IHO1: variants seen among roughly 807,000 people sequenced by gnomAD.
IHO1 encodes the protein interactor of HORMAD1 protein 1.
IHO1 carries 13 observed loss-of-function variants against 31.0 expected under a neutral mutation model. That is an observed-to-expected ratio of 0.42 (90% confidence interval 0.27 to 0.67). The LOEUF (loss-of-function observed/expected upper bound fraction) is 0.67. Among genes scored for constraint, IHO1 ranks in the 30% least tolerant of loss-of-function variants. IHO1 has a pLI of 0.24. For synonymous variants in IHO1, 221 were observed against 248.4 expected (o/e 0.89, Z 1.04); for missense variants, 599 against 687.5 (o/e 0.87, Z 1.44).
chr3:49,191,678 G>T, the IHO1 span: 1 of 1,528,256 alleles, frequency 6.5e-7, no homozygotes, highest in South Asian at 1.1e-5. Flanking sequence ...TCACCGGCAT[G>T]ACTCAGTCAG....
At chr3:49,237,781 A>G (rs1486154235) in intron 3 of IHO1, among the ~76,000 whole-genome samples, 1 of 151,660 alleles carries the variant, frequency 6.6e-6, no homozygotes, top group Admixed American at 6.6e-5. Context: ...TATGTCCTTG[A>G]AGAAGAAGGA....
intron 2 of IHO1, among the ~76,000 whole-genome samples, chr3:49,215,780 G>A (rs1008007476): frequency 6.6e-6 from 1 of 152,226 alleles, no homozygotes; most frequent in Admixed American, 6.5e-5. Context: ...ATCTAGTGCA[G>A]TGATCTGGTG....
intron 6 of IHO1, among the ~76,000 whole-genome samples, chr3:49,255,033 A>G (rs1409935083): frequency 6.6e-6 from 1 of 151,866 alleles, no homozygotes. Flanking sequence ...ACTGCACTCC[A>G]GTCTGGGTGA....
intron 2 of IHO1, among the ~76,000 whole-genome samples, chr3:49,233,184 C>CA (rs2046504314): frequency 6.6e-6 from 1 of 152,146 alleles, no homozygotes; most frequent in Non-Finnish European, 1.5e-5. Flanking sequence ...CTGGTTTAAA[C>CA]AAAACGGTCA....
At chr3:49,246,845 CT>C (rs1246092923) in intron 6 of IHO1, among the ~76,000 whole-genome samples, 3 of 151,410 alleles carry the variant, frequency 2.0e-5, no homozygotes, top group Non-Finnish European at 4.4e-5. Context: ...TTTTGCTTTT[CT>C]TTTTTTCTTT....
chr3:49,200,516 A>AAAGAAAGAAAGAAAGAAAGG (rs1559434739), intron 1 of IHO1: 1 of 917,718 alleles, frequency 1.1e-6, no homozygotes, highest in African/African-American at 1.9e-5. Context: ...AGAAAGAAAG[A>AAAGAAAGAAAGAAAGAAAGG]AAAGAAAAAA....
At chr3:49,227,485 C>T (rs1479640663) in intron 2 of IHO1, among the ~76,000 whole-genome samples, 1 of 152,178 alleles carries the variant, frequency 6.6e-6, no homozygotes, top group Non-Finnish European at 1.5e-5. Flanking sequence ...ACCGACGCAG[C>T]AGCAGAAACA....
chr3:49,242,290 G>T lies in IHO1; in HGVS notation c.395+901G>T, dbSNP rs570925297. ...TCGATCAGAGGCACACACAGCTGTG[G>T]CCACCTAATTTTTTTTTTTCAGAGA... On this transcript the variant is annotated intron_variant, in intron 4 of 7. Transcript: ENST00000452691. Among the ~76,000 whole-genome samples the T allele has an allele frequency of 1.0e-4, 15 of 149,740 alleles. No individual in the cohort carries two copies. The South Asian group carries it at 3.2e-3, about 31-fold the overall frequency.
chr3:49,203,507 G>T (rs951064850), intron 1 of IHO1, among the ~76,000 whole-genome samples: 7 of 152,184 alleles, frequency 4.6e-5, no homozygotes, highest in African/African-American at 1.7e-4. Flanking sequence ...TGCTTTGTAG[G>T]GAAGAGACTG....
intron 2 of IHO1, among the ~76,000 whole-genome samples, chr3:49,234,465 C>G (rs2046527796): frequency 6.6e-6 from 1 of 151,958 alleles, no homozygotes; most frequent in Non-Finnish European, 1.5e-5. Flanking sequence ...CAGGCATGAG[C>G]CACCACGCCC....
At chr3:49,246,179 CAAAAAAAAA>C (rs71278650) in intron 6 of IHO1, among the ~76,000 whole-genome samples, 1 of 47,776 alleles carries the variant, frequency 2.1e-5, no homozygotes, top group African/African-American at 7.2e-5. Flanking sequence ...GAGACTCCGT[CAAAAAAAAA>C]AAAAAAAAAA....
upstream of IHO1, among the ~76,000 whole-genome samples, chr3:49,194,292 G>GTATATATATATA (rs141683116): frequency 3.3e-4 from 40 of 120,172 alleles, no homozygotes; most frequent in African/African-American, 1.2e-3. Flanking sequence ...AGTACAAAGT[G>GTATATATATATA]TATATATATA....
the IHO1 span, among the ~76,000 whole-genome samples, chr3:49,192,160 C>T: frequency 6.6e-6 from 1 of 152,172 alleles, no homozygotes; most frequent in Non-Finnish European, 1.5e-5. Flanking sequence ...GAAAGCATTT[C>T]ATGGAGTCAG....
intron 2 of IHO1, among the ~76,000 whole-genome samples, chr3:49,232,261 T>C (rs2046492412): frequency 1.3e-5 from 2 of 152,306 alleles, no homozygotes; most frequent in South Asian, 4.1e-4. Flanking sequence ...GAAACAGTAG[T>C]GGCAAAAGCA....
Position 49,221,419 on chromosome 3 carries a change from C to T in IHO1, c.56+9583C>T, listed in dbSNP as rs746517523. 1.3e-4 allele frequency among the ~76,000 whole-genome samples: 20 copies of T among 152,174 alleles called. No individual in the cohort carries two copies. In the East Asian group the frequency reaches 1.4e-3, roughly 10 times the overall value. ...TACAATCCTTTAGCTAGACACAGAG[C>T]GCTGATTGGTGCAGTTACAATCCTC... On this transcript the variant is annotated intron_variant, in intron 2 of 7. Coordinates refer to ENST00000452691, the MANE Select transcript of IHO1 (RefSeq NM_001135197.2).
chr3:49,202,702 G>A (rs2046084867), intron 1 of IHO1, among the ~76,000 whole-genome samples: 1 of 151,134 alleles, frequency 6.6e-6, no homozygotes, highest in Non-Finnish European at 1.5e-5. Flanking sequence ...TTCAGATAGA[G>A]TCTCGCTCTC....
chr3:49,237,814 T>C (rs2046577736), intron 3 of IHO1, among the ~76,000 whole-genome samples: 1 of 151,028 alleles, frequency 6.6e-6, no homozygotes, highest in Non-Finnish European at 1.5e-5. Flanking sequence ...GAGGCCTAGG[T>C]TAGTGAGTAA....
chr3:49,196,051 C>T (rs1013645152), upstream of IHO1, among the ~76,000 whole-genome samples: 19 of 150,908 alleles, frequency 1.3e-4, no homozygotes, highest in African/African-American at 4.1e-4. Context: ...CTGGCTAACA[C>T]GGTAAAACCT....
chr3:49,236,318 G>A (rs892111569), intron 2 of IHO1, among the ~76,000 whole-genome samples: 2 of 152,184 alleles, frequency 1.3e-5, no homozygotes, highest in African/African-American at 4.8e-5. Flanking sequence ...GAATGATGAT[G>A]TCAATCCTTT....
Sources: gnomAD v4.1 joint callset for allele counts (sites outside exome capture counted in the v4.1 genomes callset) on GRCh38, gnomAD v4.1.1 for gene constraint, MANE v1.5 for transcripts, NCBI Gene and HGNC (gene_info 2026-07-23, HGNC 2026-07-21) for gene names.